Variants in SLC22A4 observed in about 807,000 individuals in gnomAD.
SLC22A4 encodes solute carrier family 22 member 4.
Under a neutral mutation model 56.6 loss-of-function variants are expected in SLC22A4, and 39 were observed. That is an observed-to-expected ratio of 0.69 (90% CI 0.53 to 0.90). The LOEUF is 0.90. SLC22A4 is among the 40% of genes least tolerant of loss of function. SLC22A4 has a pLI of 0.00. For missense variants in SLC22A4, 594 were observed against 696.5 expected, an observed-to-expected ratio of 0.85 and a Z score of 1.66; for synonymous variants, 241 against 281.4, an observed-to-expected ratio of 0.86 and a Z score of 1.44.
At chr5:132,322,597 T>A (rs1750578150) in intron 4 of SLC22A4, among the ~76,000 whole-genome samples, 1 of 152,224 alleles carries the variant, frequency 6.6e-6, no homozygotes, top group Non-Finnish European at 1.5e-5. Context: ...TACCAGCCAC[T>A]CCTGTCTGTT....
Position 132,334,936 on chromosome 5 carries a change from A to C in SLC22A4, c.1261+4A>C. On this transcript the variant is annotated splice_donor_region_variant and intron_variant, in intron 7 of 9. Transcript: ENST00000200652. ...TTCATTCAACTGGTACCTGTGGGTA[A>C]GAAGTTAACCAAGATGAACAGCTTA... The C allele has an allele frequency of 6.2e-7, 1 of 1,601,358 alleles. No individual in the cohort carries two copies. The highest frequency in any genetic ancestry group is 1.1e-5 in the South Asian group (1 of 90,794).
chr5:132,322,079 C>T (rs1750557430), intron 3 of SLC22A4, 105 bp from the exon 4 acceptor site: 2 of 1,086,542 alleles, frequency 1.8e-6, no homozygotes, highest in Non-Finnish European at 2.8e-6. Context: ...TGCCTTTCCC[C>T]TTTTCTAAGT....
intron 1 of SLC22A4, among the ~76,000 whole-genome samples, chr5:132,297,327 AAACAAAC>A (rs1749802688): frequency 6.6e-6 from 1 of 151,132 alleles, no homozygotes; most frequent in African/African-American, 2.5e-5. Flanking sequence ...CAAAACAAAC[AAACAAAC>A]AACAACAACA....
chr5:132,299,795 G>A (rs371472481), intron 1 of SLC22A4, among the ~76,000 whole-genome samples: 61 of 152,318 alleles, frequency 4.0e-4, no homozygotes, highest in Admixed American at 1.2e-3. Flanking sequence ...TTGATTTAGA[G>A]AGAAGTTTGA....
At chr5:132,322,443 G>A in intron 4 of SLC22A4, 88 bp downstream of exon 4, 1 of 1,366,532 alleles carries the variant, frequency 7.3e-7, no homozygotes, top group Non-Finnish European at 1.0e-6. Context: ...CCTAGCCTGG[G>A]CTTGCATGAC....
At position 132,334,907 on chromosome 5, in the gene SLC22A4, TC is replaced by T. The variant is rs1254034811; in HGVS notation, c.1237del (p.Leu413SerfsTer84). The T allele has an allele frequency of 6.2e-7, 1 of 1,613,000 alleles. No homozygotes were observed. Among genetic ancestry groups the T allele is most frequent in the African/African-American group, 1.3e-5 (1 of 74,874 alleles). On this transcript the variant is annotated frameshift_variant, in exon 7 of 10. Transcript: ENST00000200652. LOFTEE classifies it high-confidence loss of function. ...TACTGTTCTGGGGAGGAGGTGTGCTTCTCTTCATTCAACTGGTACCTGTGGG... is the reference window on the plus strand; with the variant it reads ...TACTGTTCTGGGGAGGAGGTGTGCTTTCTTCATTCAACTGGTACCTGTGGG... ...AVLFWGGGVLLFIQLVPVDYY... is the reference protein window; with the variant it reads ...AVLFWGGGVLXFIQLVPVDYY...
chr5:132,314,863 C>T (rs1474939002), intron 3 of SLC22A4, among the ~76,000 whole-genome samples: 1 of 152,154 alleles, frequency 6.6e-6, no homozygotes, highest in African/African-American at 2.4e-5. Flanking sequence ...TCAGTGTCTG[C>T]AGAGGGGAGA....
At chr5:132,322,466 C>T (rs1003748682) in intron 4 of SLC22A4, 111 bp downstream of exon 4, 27 of 1,076,024 alleles carry the variant, frequency 2.5e-5, no homozygotes, top group Admixed American at 1.1e-4. Flanking sequence ...CCACGGAACT[C>T]GCGGAGGCCA....
At position 132,340,646 on chromosome 5, in the gene SLC22A4, A is replaced by T. The variant is rs755898461; in HGVS notation, c.1526A>T (p.Glu509Val). Residue 509 changes from glutamate (E) to valine (V), a missense_variant, in exon 9 of 10, where the codon GAA (glutamate) becomes GTA (valine). Coordinates refer to ENST00000200652, the MANE Select transcript of SLC22A4 (RefSeq NM_003059.3). ...GGAATCCTCACCCTTTTTTTCCCTG[A>T]AAGTTTGGGAATGACTCTTCCAGAA... is the stretch of plus-strand genomic sequence containing the variant. Reference protein sequence around the residue: ...LIGILTLFFPESLGMTLPETL... With the variant: ...LIGILTLFFPVSLGMTLPETL... 6.2e-7 allele frequency: 1 copy of T among 1,613,936 alleles called. No individual in the cohort carries two copies. The highest frequency in any genetic ancestry group is 8.5e-7 in the Non-Finnish European group (1 of 1,179,910).
chr5:132,343,505 T>G (rs933607188), intron 9 of SLC22A4, among the ~76,000 whole-genome samples: 1 of 152,208 alleles, frequency 6.6e-6, no homozygotes, highest in South Asian at 2.1e-4. Flanking sequence ...AAGAATTTCA[T>G]GCCTCCCTCT....
chr5:132,296,887 C>T lies in SLC22A4; in HGVS notation c.393+1878C>T, dbSNP rs190456377. Among the ~76,000 whole-genome samples, 561 of 151,476 alleles carry T rather than the reference C, an allele frequency of 3.7e-3. 2 individuals carry two copies. Among genetic ancestry groups the T allele is most frequent in the African/African-American group, 0.013 (525 of 40,720 alleles). ...TAGCTGCTGGCCTCCAAGTCCATAG[C>T]TACTCATGTTGTACGCTGTTCACAG... On this transcript the variant is annotated intron_variant, in intron 1 of 9. Coordinates refer to ENST00000200652, the MANE Select transcript of SLC22A4 (RefSeq NM_003059.3).
In SLC22A4 at chr5:132,334,716, A is replaced by G. The variant is rs149594421; in HGVS notation, c.1047-2A>G. ...TTTGTCATTTTTACCTTCTTCTTTC[A>G]GGATGCTGACCTCAGTGGGTTACTT... On this transcript the variant is annotated splice_acceptor_variant, in intron 6 of 9. Coordinates refer to ENST00000200652, the MANE Select transcript of SLC22A4 (RefSeq NM_003059.3). LOFTEE classifies it high-confidence loss of function. 1.1e-5 allele frequency: 17 copies of G among 1,607,650 alleles called. No homozygotes were observed. Among genetic ancestry groups the G allele is most frequent in the Non-Finnish European group, 1.4e-5 (16 of 1,174,086 alleles).
intron 8 of SLC22A4, among the ~76,000 whole-genome samples, chr5:132,337,274 T>TAA (rs1561548433): frequency 7.3e-6 from 1 of 136,450 alleles, no homozygotes. Flanking sequence ...ATTACCTTTT[T>TAA]TTTTTTTTTT....
chr5:132,311,504 G>GGAAGGAGGGTGTAGGGAT (rs1750177462), intron 1 of SLC22A4: 1 of 153,620 alleles, frequency 6.5e-6, no homozygotes, highest in Middle Eastern at 3.2e-3. Context: ...AGACTGGATG[G>GGAAGGAGGGTGTAGGGAT]GAAGGAGGGT....
chr5:132,312,760 C>A (rs947903068), intron 2 of SLC22A4, among the ~76,000 whole-genome samples: 2 of 152,220 alleles, frequency 1.3e-5, no homozygotes, highest in African/African-American at 4.8e-5. Flanking sequence ...CCTCATAGAG[C>A]TTACAGGCCT....
In SLC22A4 at chr5:132,340,567, G is replaced by A. The variant is rs1282310711; in HGVS notation, c.1447G>A (p.Ala483Thr). 1.9e-6 allele frequency: 3 copies of A among 1,613,910 alleles called. No individual in the cohort carries two copies. Among genetic ancestry groups the A allele is most frequent in the South Asian group, 1.1e-5 (1 of 91,080 alleles). The change falls in exon 9 of 10, where the codon GCT (alanine) becomes ACT (threonine). Residue 483 changes from alanine (A) to threonine (T), a missense_variant and splice_region_variant. Physicochemically the swap from Ala to Thr is moderately conservative, Grantham distance 58. Transcript: ENST00000200652. ...IIAPYFVYLG[A>T]YNRMLPYIVM... is the part of the protein sequence containing the mutation. ...TTCTTATGTCCCGGGCTTTACAGGT[G>A]CTTACAACAGAATGCTGCCCTACAT...
intron 4 of SLC22A4, among the ~76,000 whole-genome samples, chr5:132,323,020 G>A (rs1353972597): frequency 6.6e-6 from 1 of 152,132 alleles, no homozygotes; most frequent in African/African-American, 2.4e-5. Flanking sequence ...AGAACAAGGT[G>A]TCAGACATAC....
At chr5:132,307,177 T>C (rs189613063) in intron 1 of SLC22A4, among the ~76,000 whole-genome samples, 5 of 152,108 alleles carry the variant, frequency 3.3e-5, no homozygotes, top group African/African-American at 1.2e-4. Context: ...TTTTTCTTTG[T>C]TTTGTTTTTT....
intron 3 of SLC22A4, among the ~76,000 whole-genome samples, chr5:132,317,231 C>T (rs931482859): frequency 6.6e-6 from 1 of 152,194 alleles, no homozygotes; most frequent in Non-Finnish European, 1.5e-5. Context: ...GATATTCACA[C>T]TTTTAAAGTG....
Sources: gnomAD v4.1 joint callset for allele counts (sites outside exome capture counted in the v4.1 genomes callset) on GRCh38, gnomAD v4.1.1 for gene constraint, MANE v1.5 for transcripts, NCBI Gene and HGNC (gene_info 2026-07-23, HGNC 2026-07-21) for gene names.